C5orf34: variants seen among roughly 807,000 people sequenced by gnomAD.
The protein encoded by C5orf34 is chromosome 5 open reading frame 34, also known as uncharacterized protein C5orf34.
In C5orf34, 73 loss-of-function variants were observed where a neutral mutation model predicts 78.4. The observed-to-expected ratio is 0.93, with a 90% CI of 0.77 to 1.13. The LOEUF is 1.13. C5orf34 is among the 50% of genes most tolerant of loss of function. The pLI is 0.00. For missense variants in C5orf34, 730 were observed against 732.7 expected (o/e 1.00, Z 0.04); for synonymous variants, 251 against 246.6 (o/e 1.02, Z -0.17).
At chr5:43,502,923 G>T (rs931778942) in intron 5 of C5orf34, among the ~76,000 whole-genome samples, 1 of 152,194 alleles carries the variant, frequency 6.6e-6, no homozygotes, top group Non-Finnish European at 1.5e-5. Context: ...TGCACAAGGG[G>T]CTATCCCTAA....
chr5:43,492,323 A>G lies in C5orf34; in HGVS notation c.1486-14T>C, dbSNP rs749919469. Reference sequence around the variant, plus strand: ...ACCTTGATTTACCTGAAGAAGTAGAAAGATAAGTTTTATCATTTTAGAACT... The same window carrying G: ...ACCTTGATTTACCTGAAGAAGTAGAGAGATAAGTTTTATCATTTTAGAACT... On this transcript the variant is annotated splice_polypyrimidine_tract_variant and intron_variant, in intron 9 of 12. Transcript: ENST00000306862. 2 of 1,529,252 alleles carry G rather than the reference A, an allele frequency of 1.3e-6. No homozygotes were observed. Among genetic ancestry groups the G allele is most frequent in the East Asian group, 4.5e-5 (2 of 44,306 alleles). The allele number at this position is 1,529,252 out of a possible 1,614,324, so 94.7% of individuals were successfully genotyped here.
At chr5:43,496,644 C>A (rs542201210) in intron 6 of C5orf34, among the ~76,000 whole-genome samples, 2 of 137,566 alleles carry the variant, frequency 1.5e-5, no homozygotes, top group Non-Finnish European at 3.0e-5. Context: ...GGCTGGAGTA[C>A]AGTGGCGCAA....
intron 7 of C5orf34, 44 bp from the exon 8 acceptor site, chr5:43,493,656 T>C (rs1327822520): frequency 2.5e-6 from 3 of 1,191,450 alleles, no homozygotes; most frequent in Non-Finnish European, 3.6e-6. Flanking sequence ...CAAATGACAT[T>C]TTCCAATTCT....
At position 43,508,565 on chromosome 5, in the gene C5orf34, T is replaced by C. The variant is rs1300868439; in HGVS notation, c.285+12A>G. 6.7e-7 allele frequency: 1 copy of C among 1,502,610 alleles called. No individual in the cohort carries two copies. Among genetic ancestry groups the C allele is most frequent in the African/African-American group, 1.4e-5 (1 of 71,882 alleles). The allele number at this position is 1,502,610 out of a possible 1,614,324, so 93.1% of individuals were successfully genotyped here. A position where few individuals can be genotyped will look rare whatever the true frequency, so the allele number is the denominator to read the frequency against. On this transcript the variant is annotated intron_variant, in intron 3 of 12. Coordinates refer to ENST00000306862, the MANE Select transcript of C5orf34 (RefSeq NM_198566.4). ...CAAATAATACTAACAAAAATGAAGT[T>C]AAAAAAATCACCTTTTTTCTTTCAG... is the stretch of plus-strand genomic sequence containing the variant.
rs150478480 is a variant in C5orf34 at position 43,514,148 on chromosome 5, T to C, written c.-37+658A>G. 5.0e-3 allele frequency: 757 copies of C among 152,298 alleles called. 10 individuals carry two copies. Among genetic ancestry groups the C allele is most frequent in the African/African-American group, 0.012 (488 of 41,550 alleles). 9.4% of individuals were successfully genotyped at this position (152,298 alleles called of 1,614,324 possible). On this transcript the variant is annotated intron_variant, in intron 1 of 12. Coordinates refer to ENST00000306862, the MANE Select transcript of C5orf34 (RefSeq NM_198566.4). ...CCCCTGTAACAAGTCCTGTTGATTT[T>C]CTGTCTTTGGAACCTGACTCTCTCT...
chr5:43,512,755 CTTGTCTTTTTTTTTTTTTTTTT>C, intron 1 of C5orf34, among the ~76,000 whole-genome samples: 1 of 120,180 alleles, frequency 8.3e-6, no homozygotes, highest in Non-Finnish European at 1.7e-5. Context: ...TATGCCCCAC[CTTGTCTTTTTTTTTTTTTTTTT>C]TTTTTTTTTT....
chr5:43,494,964 T>G (rs1745440418), intron 6 of C5orf34: 2 of 883,988 alleles, frequency 2.3e-6, no homozygotes, highest in South Asian at 3.2e-5. Flanking sequence ...ATTGTTATCA[T>G]TAACCAGTCT....
At chr5:43,487,181 A>C in intron 12 of C5orf34, 70 bp from the exon 13 acceptor site, 1 of 678,526 alleles carries the variant, frequency 1.5e-6, no homozygotes, top group Non-Finnish European at 2.3e-6. Flanking sequence ...TACAGAAAGC[A>C]TAGGCTTCAT....
intron 7 of C5orf34, among the ~76,000 whole-genome samples, chr5:43,494,261 T>A (rs1459318553): frequency 1.3e-5 from 2 of 152,138 alleles, no homozygotes; most frequent in East Asian, 1.9e-4. Flanking sequence ...ACTTACTTCC[T>A]CTCAGCACTT....
chr5:43,495,620 A>G, intron 6 of C5orf34: 2 of 1,606,808 alleles, frequency 1.2e-6, no homozygotes, highest in Non-Finnish European at 1.7e-6. Context: ...GACTGGAGCA[A>G]AGGTGACCAC....
intron 6 of C5orf34, chr5:43,496,207 C>A: frequency 6.4e-7 from 1 of 1,561,606 alleles, no homozygotes; most frequent in Non-Finnish European, 8.7e-7. Context: ...ATAGTACTTG[C>A]TGGTCTCAAA....
rs567615974 is a variant in C5orf34, at chr5:43,500,407, T to A, written c.1152+1965A>T. 2.9e-4 allele frequency among the ~76,000 whole-genome samples: 44 copies of A among 152,152 alleles called. 1 individual carries two copies. The South Asian group carries it at 6.9e-3, about 24-fold the overall frequency. On this transcript the variant is annotated intron_variant, in intron 6 of 12. Transcript: ENST00000306862. ...TAAAATTTTCTTTTAATTAAAAAAA[T>A]TTTTTTGAGACAGAGTCTTGCTCTG... is the stretch of plus-strand genomic sequence containing the variant.
chr5:43,498,700 G>A (rs1745643128), intron 6 of C5orf34, among the ~76,000 whole-genome samples: 1 of 152,066 alleles, frequency 6.6e-6, no homozygotes. Flanking sequence ...CTTCTGACTG[G>A]TTCTACAGCT....
chr5:43,491,867 G>A (rs1745296502), intron 10 of C5orf34, among the ~76,000 whole-genome samples: 1 of 152,116 alleles, frequency 6.6e-6, no homozygotes, highest in African/African-American at 2.4e-5. Context: ...AGCCGGGCAT[G>A]GTGGCACATG....
rs747460083 is a variant in C5orf34 at position 43,493,569 on chromosome 5, T to G, written c.1288A>C (p.Asn430His). The change falls in exon 8 of 13, where the codon AAC (asparagine) becomes CAC (histidine). Residue 430 changes from asparagine (N) to histidine (H), a missense_variant. Transcript: ENST00000306862. Reference sequence around the variant, plus strand: ...ATTTTCCAGCAGCATATACGATAGTTATGGCTTAAAGAAAGTCTCATCTTC... The same window carrying G: ...ATTTTCCAGCAGCATATACGATAGTGATGGCTTAAAGAAAGTCTCATCTTC... ...CVKMRLSLSH[N>H]YRICCWKMVP... 6.3e-7 allele frequency: 1 copy of G among 1,579,170 alleles called. No homozygotes were observed. Among genetic ancestry groups the G allele is most frequent in the South Asian group, 1.2e-5 (1 of 86,914 alleles).
chr5:43,509,408 A>C lies in C5orf34; in HGVS notation c.-36-33T>G. On this transcript the variant is annotated intron_variant, in intron 1 of 12. Transcript: ENST00000306862. The stretch of plus-strand genomic sequence containing the variant: ...AAATAGGAAAAACAACAGCATAAAT[A>C]GTTCTCTTAATGTACAAAACTTTTA... 3 of 1,271,734 alleles carry C rather than the reference A, an allele frequency of 2.4e-6. No individual in the cohort carries two copies. In the Admixed American group the frequency reaches 7.7e-5, roughly 33 times the overall value. 78.8% of individuals were successfully genotyped at this position (1,271,734 alleles called of 1,614,324 possible).
At chr5:43,497,066 T>C (rs973147197) in intron 6 of C5orf34, among the ~76,000 whole-genome samples, 6 of 152,172 alleles carry the variant, frequency 3.9e-5, no homozygotes, top group Admixed American at 2.0e-4. Flanking sequence ...TTTTGCTACA[T>C]TAATGGAAGA....
In C5orf34 at chr5:43,506,176, G is replaced by T. The variant is rs1579876386; in HGVS notation, c.504C>A (p.Ala168=). The T allele has an allele frequency of 6.2e-7, 1 of 1,614,054 alleles. No homozygotes were observed. Among genetic ancestry groups the T allele is most frequent in the Non-Finnish European group, 8.5e-7 (1 of 1,180,032 alleles). The change falls in exon 4 of 13, where the codon GCC becomes GCA. Residue 168 remains alanine, a synonymous_variant. Coordinates refer to ENST00000306862, the MANE Select transcript of C5orf34 (RefSeq NM_198566.4). ...SAVLSETNNK[A]PKDKLVEKTG... ...TTTTTTCAACTAGTTTATCTTTTGG[G>T]GCTTTATTATTTGTTTCTGACAACA...
intron 1 of C5orf34, among the ~76,000 whole-genome samples, chr5:43,511,451 T>TG (rs536512834): frequency 2.7e-5 from 4 of 147,246 alleles, no homozygotes; most frequent in South Asian, 2.2e-4. Context: ...AACCGGGAGG[T>TG]GGGGGGCGCC....
Sources: gnomAD v4.1 joint callset for allele counts (sites outside exome capture counted in the v4.1 genomes callset) on GRCh38, gnomAD v4.1.1 for gene constraint, MANE v1.5 for transcripts, NCBI Gene and HGNC (gene_info 2026-07-23, HGNC 2026-07-21) for gene names.